The following TIAM1 variants were observed in gnomAD, a reference collection of about 807,000 sequenced individuals.
The protein encoded by TIAM1 is TIAM Rac1 associated GEF 1.
A neutral mutation model predicts 163.5 loss-of-function variants in TIAM1; 65 were observed. The observed-to-expected ratio is 0.40, with a 90% CI of 0.33 to 0.49. TIAM1 has a LOEUF of 0.49. Ranked by LOEUF, TIAM1 falls within the 20% of genes least tolerant of loss-of-function variation. The pLI, the probability that TIAM1 is intolerant of heterozygous loss-of-function variation, is 0.77. For missense variants in TIAM1, 1,789 were observed against 2,044.7 expected (o/e 0.87, Z 2.41); for synonymous variants, 833 against 810.1 (o/e 1.03, Z -0.48).
At chr21:31,332,451 A>G (rs1338714783) in intron 2 of TIAM1, among the ~76,000 whole-genome samples, 2 of 152,108 alleles carry the variant, frequency 1.3e-5, no homozygotes, top group African/African-American at 4.8e-5. Context: ...CCAGGATAAG[A>G]ACTTTGGTCT....
chr21:31,176,467 C>A (rs1451747747), intron 15 of TIAM1, among the ~76,000 whole-genome samples: 1 of 151,762 alleles, frequency 6.6e-6, no homozygotes, highest in Non-Finnish European at 1.5e-5. Context: ...AAGACTGCAA[C>A]CAGAACTCAG....
chr21:31,279,342 A>G (rs1294774367), intron 2 of TIAM1, among the ~76,000 whole-genome samples: 1 of 152,240 alleles, frequency 6.6e-6, no homozygotes, highest in African/African-American at 2.4e-5. Flanking sequence ...CAATGTGCCA[A>G]CAAGTACGTA....
At chr21:31,380,309 C>A (rs970374038) in intron 2 of TIAM1, among the ~76,000 whole-genome samples, 1 of 152,028 alleles carries the variant, frequency 6.6e-6, no homozygotes, top group South Asian at 2.1e-4. Flanking sequence ...TTTGGGAGGC[C>A]GAGGTGGGTG....
At chr21:31,203,658 TAAATATA>T (rs145897991) in intron 11 of TIAM1, among the ~76,000 whole-genome samples, 14,260 of 152,204 alleles carry the variant, frequency 0.094, 1,100 homozygotes, top group East Asian at 0.38. Context: ...AAAAGGTTCT[TAAATATA>T]ACTTCATAGA....
intron 1 of TIAM1, among the ~76,000 whole-genome samples, chr21:31,491,009 C>A (rs1451008682): frequency 6.6e-6 from 1 of 152,172 alleles, no homozygotes; most frequent in Admixed American, 6.5e-5. Flanking sequence ...CCTGTAATCC[C>A]AACTACTCCA....
chr21:31,351,306 A>G (rs2076230480), intron 2 of TIAM1, among the ~76,000 whole-genome samples: 1 of 152,236 alleles, frequency 6.6e-6, no homozygotes, highest in Non-Finnish European at 1.5e-5. Flanking sequence ...GCTTCAGCCC[A>G]GTACCCAGGT....
chr21:31,262,521 A>G (rs2072536218), intron 4 of TIAM1, among the ~76,000 whole-genome samples: 1 of 152,220 alleles, frequency 6.6e-6, no homozygotes, highest in Non-Finnish European at 1.5e-5. Context: ...GCACATGTGG[A>G]TGCACAACAA....
At chr21:31,389,067 G>A (rs1468823851) in intron 2 of TIAM1, among the ~76,000 whole-genome samples, 4 of 152,162 alleles carry the variant, frequency 2.6e-5, no homozygotes, top group African/African-American at 2.4e-5. Context: ...AACGAGCCAC[G>A]GGTAATACAT....
At chr21:31,396,634 A>G (rs1021253936) in intron 2 of TIAM1, among the ~76,000 whole-genome samples, 3 of 148,918 alleles carry the variant, frequency 2.0e-5, no homozygotes, top group African/African-American at 4.9e-5. Flanking sequence ...TAACAATATT[A>G]TATTTAATAA....
intron 4 of TIAM1, among the ~76,000 whole-genome samples, chr21:31,263,069 T>TAA: frequency 6.6e-6 from 1 of 152,344 alleles, no homozygotes; most frequent in East Asian, 1.9e-4. Context: ...ACGCCAAACT[T>TAA]AGACTAGGAA....
In TIAM1 at chr21:31,168,071, G is replaced by A. The variant is rs115438530; in HGVS notation, c.2888-3006C>T. ...GGAGGGTGGAAAAGGAATACAGCAGGTTTCTTCCCTGAGATTCTTATTATT... is the reference window on the plus strand; with the variant it reads ...GGAGGGTGGAAAAGGAATACAGCAGATTTCTTCCCTGAGATTCTTATTATT... On this transcript the variant is annotated intron_variant, in intron 15 of 27. Coordinates refer to ENST00000541036, the MANE Select transcript of TIAM1 (RefSeq NM_001353694.2). Among the ~76,000 whole-genome samples, 624 of 151,624 alleles carry A rather than the reference G, an allele frequency of 4.1e-3. 7 individuals are homozygous for A. The highest frequency in any genetic ancestry group is 0.014 in the African/African-American group (583 of 41,162).
chr21:31,258,031 T>G (rs987796864), intron 4 of TIAM1, among the ~76,000 whole-genome samples: 3 of 147,432 alleles, frequency 2.0e-5, no homozygotes, highest in Non-Finnish European at 3.0e-5. Flanking sequence ...AGGTCTGCCC[T>G]CACCCTGACC....
chr21:31,252,859 T>C (rs1176233621), intron 4 of TIAM1, among the ~76,000 whole-genome samples: 2 of 152,220 alleles, frequency 1.3e-5, no homozygotes, highest in Non-Finnish European at 2.9e-5. Flanking sequence ...AATAAGTCTG[T>C]GGGGCCTACA....
intron 2 of TIAM1, among the ~76,000 whole-genome samples, chr21:31,281,680 G>GTGGA (rs546267553): frequency 0.021 from 3,226 of 152,148 alleles, 45 homozygotes; most frequent in Middle Eastern, 0.027. Context: ...GGACAGATAA[G>GTGGA]TGGATGGATG....
intron 11 of TIAM1, among the ~76,000 whole-genome samples, chr21:31,206,607 G>T (rs1411760925): frequency 6.6e-6 from 1 of 152,148 alleles, no homozygotes; most frequent in East Asian, 1.9e-4. Context: ...GATGCATTTT[G>T]AGGCAATGCA....
intron 2 of TIAM1, among the ~76,000 whole-genome samples, chr21:31,394,284 C>T (rs1357088169): frequency 4.6e-5 from 7 of 152,140 alleles, no homozygotes; most frequent in South Asian, 2.1e-4. Context: ...TCCAACTACA[C>T]GACATCCTGG....
intron 10 of TIAM1, 112 bp downstream of exon 10, chr21:31,213,286 A>G: frequency 2.3e-6 from 2 of 885,498 alleles, no homozygotes; most frequent in East Asian, 2.8e-5. Flanking sequence ...AACTGATTTC[A>G]GTTTTTAATA....
chr21:31,527,536 C>A (rs1168079655), intron 1 of TIAM1, among the ~76,000 whole-genome samples: 1 of 152,076 alleles, frequency 6.6e-6, no homozygotes, highest in Non-Finnish European at 1.5e-5. Flanking sequence ...GGACCTAGCA[C>A]ACATTTTTGC....
chr21:31,450,460 G>A (rs893705895), intron 2 of TIAM1, among the ~76,000 whole-genome samples: 1 of 152,108 alleles, frequency 6.6e-6, no homozygotes, highest in African/African-American at 2.4e-5. Flanking sequence ...CTTCAAGGCA[G>A]AACAGGTGCT....
Sources: allele counts gnomAD v4.1 joint callset (sites outside exome capture counted in the v4.1 genomes callset), GRCh38; gene constraint gnomAD v4.1.1; transcripts MANE v1.5; gene names NCBI Gene and HGNC (gene_info 2026-07-23, HGNC 2026-07-21).